DMTF1: variants seen among roughly 807,000 people sequenced by gnomAD.
DMTF1 encodes cyclin D binding myb like transcription factor 1, also known as cyclin-D-binding Myb-like transcription factor 1.
In DMTF1, 39 loss-of-function variants were observed where a neutral mutation model predicts 91.1. The ratio of observed to expected loss-of-function variants is 0.43; its 90% CI spans 0.33 to 0.56. The LOEUF is 0.56. Ranked by LOEUF, DMTF1 falls within the 20% of genes least tolerant of loss-of-function variation. The probability of loss-of-function intolerance (pLI) is 0.05; values close to 1 mark genes in which losing one functional copy is unlikely to be tolerated. For synonymous variants in DMTF1, 338 were observed against 309.5 expected (o/e 1.09, Z -0.97); for missense variants, 750 against 914.5 (o/e 0.82, Z 2.32).
rs569321220 is a variant in DMTF1 at position 87,195,765 on chromosome 7, G to A, written c.*625G>A. 1 of 152,468 alleles carries A rather than the reference G, an allele frequency of 6.6e-6. No homozygotes were observed. The highest frequency in any genetic ancestry group is 1.5e-5 in the Non-Finnish European group (1 of 67,940). 9.4% of individuals were successfully genotyped at this position (152,468 alleles called of 1,614,324 possible). A position where few individuals can be genotyped will look rare whatever the true frequency, so the allele number is the denominator to read the frequency against. On this transcript the variant is annotated 3_prime_UTR_variant, in exon 18 of 18. Coordinates refer to ENST00000331242, the MANE Select transcript of DMTF1 (RefSeq NM_001142327.2). ...TACAGGTTTTTTGTTACTTTTAAAGGGAATATGGATAAGCATAGTAACAAA... is the reference window on the plus strand; with the variant it reads ...TACAGGTTTTTTGTTACTTTTAAAGAGAATATGGATAAGCATAGTAACAAA...
Position 87,184,390 on chromosome 7 carries a change from T to G in DMTF1, c.821-7T>G, listed in dbSNP as rs1170303390. 9.9e-6 allele frequency: 16 copies of G among 1,612,592 alleles called. No individual in the cohort carries two copies. The highest frequency in any genetic ancestry group is 1.7e-5 in the Admixed American group (1 of 59,898). ...CAGTGGTAGTCTGGATGATTTCCTT[T>G]TTTCAGGGAAGTGGACAGAAGAAGA... On this transcript the variant is annotated splice_polypyrimidine_tract_variant and splice_region_variant and intron_variant, in intron 10 of 17. Coordinates refer to ENST00000331242, the MANE Select transcript of DMTF1 (RefSeq NM_001142327.2).
At chr7:87,194,963 C>A in intron 17 of DMTF1, 68 bp from the exon 18 acceptor site, 1 of 1,476,966 alleles carries the variant, frequency 6.8e-7, no homozygotes, top group Non-Finnish European at 9.3e-7. Flanking sequence ...TGGTAGAATA[C>A]CTTAAATTCT....
At chr7:87,156,052 A>G (rs1390521195) in intron 1 of DMTF1, among the ~76,000 whole-genome samples, 1 of 152,206 alleles carries the variant, frequency 6.6e-6, no homozygotes, top group Non-Finnish European at 1.5e-5. Context: ...TTCACTGTAA[A>G]TCACAGGTGT....
intron 1 of DMTF1, among the ~76,000 whole-genome samples, chr7:87,159,769 A>T (rs975524879): frequency 6.6e-6 from 1 of 152,226 alleles, no homozygotes; most frequent in Non-Finnish European, 1.5e-5. Flanking sequence ...ATCATAGAAA[A>T]TACACAGACC....
chr7:87,172,280 A>G lies in DMTF1; in HGVS notation c.327+1191A>G, dbSNP rs1410009763. Among the ~76,000 whole-genome samples the G allele has an allele frequency of 2.6e-5, 4 of 152,234 alleles. No homozygotes were observed. The East Asian group carries it at 7.7e-4, about 29-fold the overall frequency. On this transcript the variant is annotated intron_variant, in intron 5 of 17. Transcript: ENST00000331242. The stretch of plus-strand genomic sequence containing the variant: ...TTATACAGGTCCCTCTTGATTTAAA[A>G]AATCAAAAAGTATGACATGTAAATA...
chr7:87,191,599 T>G (rs1361265423), intron 14 of DMTF1, among the ~76,000 whole-genome samples: 2 of 152,134 alleles, frequency 1.3e-5, no homozygotes, highest in Non-Finnish European at 2.9e-5. Context: ...ATGCAAATAT[T>G]ACTCAGCAAT....
At chr7:87,152,636 C>T (rs1789431119) in intron 1 of DMTF1, 81 bp downstream of exon 1, 1 of 152,792 alleles carries the variant, frequency 6.5e-6, no homozygotes, top group Admixed American at 6.5e-5. Context: ...CCCTTGCTGC[C>T]CGCTAGCTCC....
intron 7 of DMTF1, among the ~76,000 whole-genome samples, chr7:87,178,302 G>C (rs906837007): frequency 1.3e-5 from 2 of 151,900 alleles, no homozygotes; most frequent in Non-Finnish European, 2.9e-5. Context: ...TAGCAACCTT[G>C]CTAAAATTAG....
chr7:87,172,617 C>T (rs1229702666), intron 5 of DMTF1, among the ~76,000 whole-genome samples: 1 of 122,766 alleles, frequency 8.1e-6, no homozygotes, highest in Non-Finnish European at 1.7e-5. Context: ...GATTTACCTT[C>T]AGCCGGTGAC....
intron 14 of DMTF1, chr7:87,192,384 A>G (rs1329910440): frequency 6.6e-6 from 1 of 152,132 alleles, no homozygotes; most frequent in Admixed American, 6.6e-5. Flanking sequence ...GAGTCCTCAC[A>G]GAGTTCCAGG....
At chr7:87,192,636 C>G (rs1322704114) in intron 14 of DMTF1, 1 of 152,002 alleles carries the variant, frequency 6.6e-6, no homozygotes, top group South Asian at 2.1e-4. Flanking sequence ...AGCTTATGGT[C>G]GTGAAAAGTT....
chr7:87,193,382 A>G (rs564163201), intron 15 of DMTF1, 29 bp downstream of exon 15: 1 of 1,610,558 alleles, frequency 6.2e-7, no homozygotes, highest in African/African-American at 1.3e-5. Context: ...TTGATTTTTG[A>G]GTACCTGTTA....
chr7:87,175,100 C>A (rs1260375733), intron 7 of DMTF1, among the ~76,000 whole-genome samples: 3 of 151,268 alleles, frequency 2.0e-5, no homozygotes, highest in Non-Finnish European at 4.4e-5. Flanking sequence ...CTCACTGCAA[C>A]CTCCGTCTCT....
At chr7:87,192,981 G>A in intron 14 of DMTF1, 1 of 523,206 alleles carries the variant, frequency 1.9e-6, no homozygotes, top group Non-Finnish European at 3.4e-6. Context: ...GAAACAAATA[G>A]CTGAGACCAG....
chr7:87,189,362 A>G (rs1013487152), intron 13 of DMTF1, among the ~76,000 whole-genome samples: 5 of 152,138 alleles, frequency 3.3e-5, no homozygotes, highest in African/African-American at 9.6e-5. Context: ...TGTAATCAAC[A>G]ATGAAGGATT....
intron 3 of DMTF1, 93 bp from the exon 4 acceptor site, chr7:87,166,390 T>G: frequency 1.5e-6 from 2 of 1,349,642 alleles, no homozygotes; most frequent in Non-Finnish European, 2.0e-6. Context: ...AAGAAAATTT[T>G]TTTAATAGAT....
intron 6 of DMTF1, 66 bp from the exon 7 acceptor site, chr7:87,174,527 A>T: frequency 5.7e-6 from 6 of 1,061,224 alleles, no homozygotes; most frequent in Non-Finnish European, 8.5e-6. Context: ...CACAAAGGAA[A>T]TCTTTGGTGT....
chr7:87,188,783 T>C lies in DMTF1; in HGVS notation c.1411+482T>C, dbSNP rs149808621. ...AGGGAGTAAAGGGCCAGTTTCCTAT[T>C]GGGAACTGTGTTTGGACAGTTTTAT... On this transcript the variant is annotated intron_variant, in intron 13 of 17. Coordinates refer to ENST00000331242, the MANE Select transcript of DMTF1 (RefSeq NM_001142327.2). 1.5e-3 allele frequency among the ~76,000 whole-genome samples: 221 copies of C among 152,256 alleles called. 5 individuals are homozygous for C. The East Asian group carries it at 0.032, about 22-fold the overall frequency.
Position 87,184,644 on chromosome 7 carries a change from G to C in DMTF1, c.1049+19G>C, listed in dbSNP as rs767866816. On this transcript the variant is annotated intron_variant, in intron 11 of 17. Transcript: ENST00000331242. Reference sequence around the variant, plus strand: ...TCCTCAGGTTTGTGTCCTGAATCTTGTAATGACAAAAGCAACTTAATTTCT... The same window carrying C: ...TCCTCAGGTTTGTGTCCTGAATCTTCTAATGACAAAAGCAACTTAATTTCT... The C allele has an allele frequency of 1.9e-6, 3 of 1,604,846 alleles. No individual in the cohort carries two copies. In the Admixed American group the frequency reaches 5.0e-5, roughly 27 times the overall value.
Sources: gnomAD v4.1 joint callset for allele counts (sites outside exome capture counted in the v4.1 genomes callset) on GRCh38, gnomAD v4.1.1 for gene constraint, MANE v1.5 for transcripts, NCBI Gene and HGNC (gene_info 2026-07-23, HGNC 2026-07-21) for gene names.